The following DGKB variants were observed in gnomAD, a reference collection of about 807,000 sequenced individuals.
DGKB encodes the protein 90 kDa diacylglycerol kinase.
A neutral mutation model predicts 114.3 loss-of-function variants in DGKB; 67 were observed. That is an observed-to-expected ratio of 0.59 (90% CI 0.48 to 0.72). The LOEUF (loss-of-function observed/expected upper bound fraction) is 0.72. Among genes scored for constraint, DGKB ranks in the 30% least tolerant of loss-of-function variants. The pLI, the probability that DGKB is intolerant of heterozygous loss-of-function variation, is 0.00. For synonymous variants in DGKB, 398 were observed against 323.1 expected (o/e 1.23, Z -2.49); for missense variants, 907 against 975.2 (o/e 0.93, Z 0.93).
chr7:14,406,743 G>C (rs1385703793), intron 21 of DGKB, among the ~76,000 whole-genome samples: 1 of 152,058 alleles, frequency 6.6e-6, no homozygotes, highest in Admixed American at 6.6e-5. Flanking sequence ...CTAGCATGTT[G>C]AACAATTTAT....
intron 23 of DGKB, among the ~76,000 whole-genome samples, chr7:14,270,107 G>A (rs978951611): frequency 4.7e-5 from 7 of 148,176 alleles, no homozygotes; most frequent in African/African-American, 7.5e-5. Flanking sequence ...TTCACGATAA[G>A]GGAGTTTTAT....
In DGKB at chr7:14,894,232, G is replaced by A. The variant is rs182382231; in HGVS notation, c.-188+8360C>T. On this transcript the variant is annotated intron_variant, in intron 1 of 25. Coordinates refer to ENST00000402815, the MANE Select transcript of DGKB (RefSeq NM_001350709.2). ...CTTTATTTAATATTTAAATAAGGAA[G>A]ATGTCTTTCTCTTTTCCTCTTTTAA... is the stretch of plus-strand genomic sequence containing the variant. Among the ~76,000 whole-genome samples, 3 of 151,500 alleles carry A rather than the reference G, an allele frequency of 2.0e-5. No individual in the cohort carries two copies. In the East Asian group the frequency reaches 5.8e-4, roughly 29 times the overall value.
chr7:14,561,992 TG>T (rs971790784), intron 20 of DGKB, among the ~76,000 whole-genome samples: 4 of 151,584 alleles, frequency 2.6e-5, no homozygotes, highest in African/African-American at 9.7e-5. Context: ...GAGGAAAAAA[TG>T]GTTTTATGGG....
intron 23 of DGKB, among the ~76,000 whole-genome samples, chr7:14,188,602 G>A (rs1783820136): frequency 8.9e-6 from 1 of 112,062 alleles, no homozygotes; most frequent in Non-Finnish European, 1.9e-5. Context: ...GGAGCTTGCA[G>A]TGAGCCTAGA....
intron 23 of DGKB, among the ~76,000 whole-genome samples, chr7:14,320,537 C>A (rs117895971): frequency 2.6e-5 from 4 of 151,200 alleles, no homozygotes; most frequent in Admixed American, 6.6e-5. Context: ...ACCGCATATG[C>A]GGTACATATA....
At chr7:14,800,208 G>A (rs1001502175) in intron 2 of DGKB, among the ~76,000 whole-genome samples, 6 of 152,166 alleles carry the variant, frequency 3.9e-5, no homozygotes, top group African/African-American at 9.7e-5. Flanking sequence ...GAGCCACCGC[G>A]CTCGGTCTAG....
intron 20 of DGKB, among the ~76,000 whole-genome samples, chr7:14,530,419 A>C (rs1791384830): frequency 6.6e-6 from 1 of 151,458 alleles, no homozygotes; most frequent in African/African-American, 2.4e-5. Flanking sequence ...TCAGAAAAAA[A>C]CCCTGTATGG....
intron 13 of DGKB, among the ~76,000 whole-genome samples, chr7:14,663,800 C>T (rs1405615551): frequency 7.4e-6 from 1 of 134,576 alleles, no homozygotes; most frequent in Non-Finnish European, 1.7e-5. Flanking sequence ...ACTGGGCTCC[C>T]TGGAACCAGT....
intron 2 of DGKB, among the ~76,000 whole-genome samples, chr7:14,808,934 A>G (rs1843083924): frequency 1.3e-5 from 2 of 152,272 alleles, no homozygotes; most frequent in South Asian, 4.1e-4. Flanking sequence ...ATTCCAGAAT[A>G]ACCTTGCCAC....
chr7:14,382,337 C>T (rs1336568453), intron 21 of DGKB, among the ~76,000 whole-genome samples: 1 of 151,304 alleles, frequency 6.6e-6, no homozygotes, highest in East Asian at 2.0e-4. Context: ...GCACATACAA[C>T]CTATAGAGAG....
chr7:14,937,051 CACACACACACACA>C, intron 1 of DGKB, among the ~76,000 whole-genome samples: 1 of 148,452 alleles, frequency 6.7e-6, no homozygotes, highest in African/African-American at 2.5e-5. Flanking sequence ...CACACACACA[CACACACACACACA>C]CACACACACA....
chr7:14,414,009 G>A (rs966287805), intron 21 of DGKB, among the ~76,000 whole-genome samples: 2 of 151,898 alleles, frequency 1.3e-5, no homozygotes, highest in Non-Finnish European at 2.9e-5. Flanking sequence ...ATATTTATGC[G>A]GTTTTAACAA....
At chr7:14,554,392 T>C (rs1795573202) in intron 20 of DGKB, among the ~76,000 whole-genome samples, 2 of 152,172 alleles carry the variant, frequency 1.3e-5, no homozygotes, top group South Asian at 4.1e-4. Flanking sequence ...TAATGTTAAA[T>C]TTTGGGGACC....
At chr7:14,575,844 C>G (rs1004208407) in intron 19 of DGKB, among the ~76,000 whole-genome samples, 1 of 152,074 alleles carries the variant, frequency 6.6e-6, no homozygotes, top group African/African-American at 2.4e-5. Flanking sequence ...TATTAGCATA[C>G]ATATCATTGA....
intron 20 of DGKB, among the ~76,000 whole-genome samples, chr7:14,546,112 A>G (rs371272432): frequency 1.3e-5 from 2 of 152,228 alleles, no homozygotes; most frequent in East Asian, 3.9e-4. Flanking sequence ...GTTACATTGC[A>G]AACATCTTTG....
chr7:14,830,154 A>G (rs1846217225), intron 2 of DGKB, among the ~76,000 whole-genome samples: 1 of 151,986 alleles, frequency 6.6e-6, no homozygotes, highest in East Asian at 1.9e-4. Context: ...ACTTTTTAAA[A>G]AAAATTGTAT....
intron 17 of DGKB, among the ~76,000 whole-genome samples, chr7:14,603,484 T>C (rs898636356): frequency 1.4e-4 from 22 of 152,092 alleles, no homozygotes; most frequent in African/African-American, 5.1e-4. Context: ...TGGTAGAAAT[T>C]TGGTTATATA....
intron 4 of DGKB, among the ~76,000 whole-genome samples, chr7:14,751,946 T>C (rs1379445133): frequency 3.9e-5 from 6 of 152,196 alleles, no homozygotes; most frequent in Non-Finnish European, 7.4e-5. Context: ...TAAACATTAG[T>C]GGAACACCTT....
intron 22 of DGKB, among the ~76,000 whole-genome samples, chr7:14,343,072 C>T (rs947644942): frequency 1.3e-5 from 2 of 150,314 alleles, no homozygotes; most frequent in Admixed American, 1.3e-4. Context: ...ATAAAATAAC[C>T]TTGAGGGTAG....
Sources: allele counts gnomAD v4.1 joint callset (sites outside exome capture counted in the v4.1 genomes callset), GRCh38; gene constraint gnomAD v4.1.1; transcripts MANE v1.5; gene names NCBI Gene and HGNC (gene_info 2026-07-23, HGNC 2026-07-21).